Variants in LRRC43 observed in about 807,000 individuals in gnomAD.
LRRC43 encodes leucine-rich repeat-containing protein 43.
A neutral mutation model predicts 64.3 loss-of-function variants in LRRC43; 62 were observed. The ratio of observed to expected loss-of-function variants is 0.96; its 90% confidence interval spans 0.79 to 1.19. The LOEUF is 1.19. Ranked by LOEUF, LRRC43 falls within the 50% of genes most tolerant of loss-of-function variation. The probability of loss-of-function intolerance (pLI) is 0.00; values close to 1 mark genes in which losing one functional copy is unlikely to be tolerated. For missense variants in LRRC43, 868 were observed against 845.0 expected (o/e 1.03, Z -0.34); for synonymous variants, 422 against 382.3 (o/e 1.10, Z -1.21).
intron 1 of LRRC43, among the ~76,000 whole-genome samples, chr12:122,170,912 C>T (rs1439636645): frequency 1.3e-5 from 2 of 152,136 alleles, no homozygotes; most frequent in Admixed American, 6.6e-5. Flanking sequence ...ACCCACAGAC[C>T]TTCCGATTCA....
At chr12:122,193,522 C>T (rs1319601582) in intron 7 of LRRC43, among the ~76,000 whole-genome samples, 1 of 150,598 alleles carries the variant, frequency 6.6e-6, no homozygotes, top group East Asian at 2.0e-4. Context: ...ACTCAAAGTA[C>T]AACTGAGTCC....
chr12:122,189,519 G>T (rs1282229846), intron 4 of LRRC43: 1 of 456,662 alleles, frequency 2.2e-6, no homozygotes, highest in Non-Finnish European at 4.4e-6. Flanking sequence ...GTGGCAGCAG[G>T]AAAGTCACCC....
chr12:122,182,901 G>A (rs1953594994), upstream of LRRC43: 1 of 550,212 alleles, frequency 1.8e-6, no homozygotes, highest in Non-Finnish European at 3.1e-6. Context: ...CGTGGGGAGT[G>A]CTTGACAGGA....
chr12:122,181,325 C>T (rs1161220955), upstream of LRRC43, among the ~76,000 whole-genome samples: 1 of 151,764 alleles, frequency 6.6e-6, no homozygotes, highest in Admixed American at 6.6e-5. Context: ...GGGCGGATGA[C>T]GAGGTCAGGA....
chr12:122,186,712 A>G (rs1010793029), intron 3 of LRRC43, among the ~76,000 whole-genome samples: 7 of 152,204 alleles, frequency 4.6e-5, no homozygotes, highest in Non-Finnish European at 1.0e-4. Context: ...TGAGGTCAGG[A>G]GTTTGAGACC....
intron 7 of LRRC43, among the ~76,000 whole-genome samples, chr12:122,199,556 A>G (rs1369224198): frequency 6.6e-6 from 1 of 151,138 alleles, no homozygotes; most frequent in East Asian, 1.9e-4. Flanking sequence ...TGCTGGGATT[A>G]CAGGCGTGAG....
chr12:122,193,033 G>A (rs1230050689), intron 7 of LRRC43, 29 bp downstream of exon 7: 4 of 1,610,500 alleles, frequency 2.5e-6, no homozygotes. Context: ...ACCAGGGCAA[G>A]TGGTCAGAGC....
chr12:122,174,585 A>G (rs1022113824), intron 1 of LRRC43, among the ~76,000 whole-genome samples: 3 of 152,194 alleles, frequency 2.0e-5, no homozygotes, highest in African/African-American at 7.2e-5. Flanking sequence ...GCCACAGGGA[A>G]TTTCTGGGGA....
rs201278911 is a variant in LRRC43, at chr12:122,200,274, G to A, written c.1435G>A (p.Val479Ile). ...YEMQHSLRDL[V>I]PLKAFLLAGT... The stretch of plus-strand genomic sequence containing the variant: ...GATGCAGCACTCTCTCAGGGACCTG[G>A]TCCCACTGAAGGCCTTCCTGCTGGC... The change falls in exon 8 of 12, where the codon GTC becomes ATC. Residue 479 changes from valine to isoleucine, a missense_variant. Transcript: ENST00000339777. This position sits in a 1 kb window ranked among gnomAD's most constrained non-coding sequence, Gnocchi z 4.6. The A allele has an allele frequency of 6.0e-4, 966 of 1,613,858 alleles. 1 individual carries two copies. The highest frequency in any genetic ancestry group is 2.5e-3 in the Admixed American group (148 of 60,020).
chr12:122,196,161 C>T (rs566040858), intron 7 of LRRC43, among the ~76,000 whole-genome samples: 2 of 152,260 alleles, frequency 1.3e-5, no homozygotes, highest in African/African-American at 2.4e-5. Context: ...AATATTGTGT[C>T]AAGCTGATAT....
intron 1 of LRRC43, among the ~76,000 whole-genome samples, chr12:122,174,487 T>G (rs1050572228): frequency 6.6e-6 from 1 of 152,160 alleles, no homozygotes; most frequent in African/African-American, 2.4e-5. Flanking sequence ...GCCTGTTGAT[T>G]TGACTAGACA....
chr12:122,172,485 G>A (rs1740204984), intron 1 of LRRC43: 1 of 1,614,190 alleles, frequency 6.2e-7, no homozygotes, highest in Non-Finnish European at 8.5e-7. Context: ...AAACTGTTGA[G>A]AAATAGTCAG....
At chr12:122,178,654 T>C (rs963697196), upstream of LRRC43, among the ~76,000 whole-genome samples, 1 of 141,226 alleles carries the variant, frequency 7.1e-6, no homozygotes, top group Non-Finnish European at 1.5e-5. Context: ...TGCAGTGGCA[T>C]GATCTCGGCT....
intron 11 of LRRC43, 113 bp from the exon 12 acceptor site, chr12:122,203,202 C>A: frequency 8.6e-7 from 1 of 1,166,430 alleles, no homozygotes; most frequent in Non-Finnish European, 1.2e-6. Context: ...AGGACCAAAA[C>A]TGTGCTCCCG....
chr12:122,194,335 G>C (rs1328427811), intron 7 of LRRC43, among the ~76,000 whole-genome samples: 1 of 150,524 alleles, frequency 6.6e-6, no homozygotes, highest in Admixed American at 6.6e-5. Context: ...ACTTTGGGAG[G>C]CTGAGGTGGA....
chr12:122,190,937 C>G (rs1212071222), intron 5 of LRRC43, among the ~76,000 whole-genome samples: 5 of 151,926 alleles, frequency 3.3e-5, no homozygotes, highest in Non-Finnish European at 7.4e-5. Context: ...CCACTGCACT[C>G]TAGCCTGGCG....
intron 1 of LRRC43, chr12:122,172,700 C>A (rs759304882): frequency 1.2e-6 from 2 of 1,613,830 alleles, no homozygotes; most frequent in Non-Finnish European, 1.7e-6. Flanking sequence ...GACACGGCAG[C>A]GTGTAATTCT....
chr12:122,191,319 G>C (rs1351409086), intron 5 of LRRC43, 61 bp from the exon 6 acceptor site: 1 of 1,464,386 alleles, frequency 6.8e-7, no homozygotes, highest in African/African-American at 1.4e-5. Context: ...CAGCCCTCTT[G>C]CTTTCTATCT....
chr12:122,198,779 G>A (rs532874102), intron 7 of LRRC43, among the ~76,000 whole-genome samples: 1 of 147,798 alleles, frequency 6.8e-6, no homozygotes, highest in Non-Finnish European at 1.5e-5. Flanking sequence ...ACAGGCTCCC[G>A]CCAGCACACC....
Sources: allele counts gnomAD v4.1 joint callset (sites outside exome capture counted in the v4.1 genomes callset), GRCh38; gene constraint gnomAD v4.1.1; non-coding constraint Gnocchi (gnomAD v3.1); transcripts MANE v1.5; gene names NCBI Gene and HGNC (gene_info 2026-07-23, HGNC 2026-07-21).